The following ZNF423 variants were observed in gnomAD, a reference collection of about 807,000 sequenced individuals.
The protein encoded by ZNF423 is zinc finger protein 423.
ZNF423 carries 12 observed loss-of-function variants against 95.8 expected under a neutral mutation model. The ratio of observed to expected loss-of-function variants is 0.13; its 90% CI spans 0.08 to 0.20. ZNF423 has a LOEUF of 0.20. Among genes scored for constraint, ZNF423 ranks in the 10% least tolerant of loss-of-function variants. ZNF423 has a pLI of 1.00. For missense variants in ZNF423, 1,316 were observed against 1,737.1 expected (o/e 0.76, Z 4.31); for synonymous variants, 749 against 711.9 (o/e 1.05, Z -0.83).
rs867051153 is a variant in ZNF423, at chr16:49,490,879, G to T, written c.*396C>A. 9.0e-5 allele frequency: 10 copies of T among 111,048 alleles called. No homozygotes were observed. Among genetic ancestry groups the T allele is most frequent in the East Asian group, 7.2e-4 (3 of 4,180 alleles). 6.9% of individuals were successfully genotyped at this position (111,048 alleles called of 1,614,324 possible). A position where few individuals can be genotyped will look rare whatever the true frequency, so the allele number is the denominator to read the frequency against. On this transcript the variant is annotated 3_prime_UTR_variant, in exon 8 of 8. Coordinates refer to ENST00000563137, the MANE Select transcript of ZNF423 (RefSeq NM_001379286.1). ...TAGTTAACCGAAGGGGGTGGGGGGT[G>T]GGGGGGAAGAAAAACAAGAAAGAAA...
At chr16:49,744,141 C>T (rs920180842) in intron 2 of ZNF423, among the ~76,000 whole-genome samples, 11 of 152,188 alleles carry the variant, frequency 7.2e-5, no homozygotes, top group Non-Finnish European at 1.2e-4. Context: ...GGCTTTCTGC[C>T]GACTTCCCGT....
intron 7 of ZNF423, among the ~76,000 whole-genome samples, chr16:49,508,481 T>C (rs1293408831): frequency 7.2e-6 from 1 of 139,432 alleles, no homozygotes; most frequent in Non-Finnish European, 1.5e-5. Flanking sequence ...GATCACACCA[T>C]TGCACTGCAG....
intron 5 of ZNF423, among the ~76,000 whole-genome samples, chr16:49,530,242 C>T (rs185522123): frequency 6.6e-6 from 1 of 152,188 alleles, no homozygotes; most frequent in African/African-American, 2.4e-5. Flanking sequence ...GACCCCCAGA[C>T]CATCCCACAC....
intron 3 of ZNF423, among the ~76,000 whole-genome samples, chr16:49,683,816 G>A (rs537792219): frequency 1.8e-4 from 28 of 152,300 alleles, no homozygotes; most frequent in Middle Eastern, 3.4e-3. Context: ...GATGGTGTGC[G>A]CCTGTAATCC....
At chr16:49,753,814 TG>T (rs1157984119) in intron 2 of ZNF423, among the ~76,000 whole-genome samples, 1 of 152,118 alleles carries the variant, frequency 6.6e-6, no homozygotes, top group African/African-American at 2.4e-5. Flanking sequence ...GCGGATCACC[TG>T]AGGTCAGGAG....
intron 5 of ZNF423, among the ~76,000 whole-genome samples, chr16:49,568,103 G>A (rs1430388483): frequency 6.6e-6 from 1 of 152,180 alleles, no homozygotes; most frequent in Non-Finnish European, 1.5e-5. Flanking sequence ...ATGAGCATGT[G>A]ACTAAGGCCT....
chr16:49,514,280 C>T (rs918054355), intron 7 of ZNF423, among the ~76,000 whole-genome samples: 17 of 151,862 alleles, frequency 1.1e-4, no homozygotes, highest in Admixed American at 9.8e-4. Context: ...ACACACACCA[C>T]TCTCCATCAC....
chr16:49,496,501 T>G lies in ZNF423; in HGVS notation c.3850-5197A>C, dbSNP rs529071902. ...ATGTGACGGACTAGCTCCCCTTGCCTTCCATCATCATTGGAAGCTTCCTGA... is the reference window on the plus strand; with the variant it reads ...ATGTGACGGACTAGCTCCCCTTGCCGTCCATCATCATTGGAAGCTTCCTGA... On this transcript the variant is annotated intron_variant, in intron 7 of 7. Coordinates refer to ENST00000563137, the MANE Select transcript of ZNF423 (RefSeq NM_001379286.1). Among the ~76,000 whole-genome samples, 19 of 152,294 alleles carry G rather than the reference T, an allele frequency of 1.2e-4. No individual in the cohort carries two copies. In the South Asian group the frequency reaches 3.9e-3, roughly 32 times the overall value.
At chr16:49,607,889 G>A (rs938798667) in intron 5 of ZNF423, among the ~76,000 whole-genome samples, 13 of 152,292 alleles carry the variant, frequency 8.5e-5, no homozygotes, top group African/African-American at 2.6e-4. Flanking sequence ...GTGTTAGTGC[G>A]AGAGCTGTCC....
intron 1 of ZNF423, among the ~76,000 whole-genome samples, chr16:49,833,063 G>A (rs1329799517): frequency 2.6e-5 from 4 of 152,222 alleles, no homozygotes; most frequent in Non-Finnish European, 5.9e-5. Context: ...AGGAGTGGGC[G>A]CTCAGGTGAG....
At chr16:49,551,292 G>A (rs1235230036) in intron 5 of ZNF423, among the ~76,000 whole-genome samples, 1 of 152,194 alleles carries the variant, frequency 6.6e-6, no homozygotes, top group African/African-American at 2.4e-5. Flanking sequence ...CCGCTTTTCT[G>A]CCAAAAAGTT....
intron 3 of ZNF423, among the ~76,000 whole-genome samples, chr16:49,657,993 A>G (rs912995636): frequency 2.0e-5 from 3 of 152,204 alleles, no homozygotes; most frequent in Admixed American, 6.5e-5. Flanking sequence ...TGTCCTTTCA[A>G]CGACCTCAGG....
chr16:49,644,545 C>T (rs1470177641), intron 3 of ZNF423, among the ~76,000 whole-genome samples: 2 of 150,746 alleles, frequency 1.3e-5, no homozygotes, highest in East Asian at 1.9e-4. Context: ...TATTTGCAAC[C>T]CCAGCCACTT....
At chr16:49,615,600 C>T (rs1320457532) in intron 5 of ZNF423, among the ~76,000 whole-genome samples, 2 of 152,232 alleles carry the variant, frequency 1.3e-5, no homozygotes, top group Middle Eastern at 3.4e-3. Context: ...GGCCTGAAGT[C>T]CCCCAGCTGC....
intron 5 of ZNF423, among the ~76,000 whole-genome samples, chr16:49,578,999 G>T (rs1192382445): frequency 6.6e-6 from 1 of 152,138 alleles, no homozygotes; most frequent in Non-Finnish European, 1.5e-5. Flanking sequence ...AAGCATACCT[G>T]GGAGGTTCAT....
chr16:49,591,561 C>G (rs1460671957), intron 5 of ZNF423, among the ~76,000 whole-genome samples: 7 of 151,978 alleles, frequency 4.6e-5, no homozygotes, highest in Admixed American at 4.6e-4. Context: ...CACTGGAAGC[C>G]AAGCCAAGTG....
intron 5 of ZNF423, among the ~76,000 whole-genome samples, chr16:49,589,336 C>T (rs997031741): frequency 6.6e-6 from 1 of 152,228 alleles, no homozygotes; most frequent in African/African-American, 2.4e-5. Context: ...AGTTTATAAA[C>T]ATGATTTCTT....
intron 3 of ZNF423, among the ~76,000 whole-genome samples, chr16:49,713,431 G>C (rs1441715622): frequency 1.3e-5 from 2 of 152,156 alleles, no homozygotes; most frequent in African/African-American, 4.8e-5. Context: ...CGACTGCAGT[G>C]GGGGAGGAGA....
chr16:49,835,926 A>G (rs550324220), intron 1 of ZNF423, among the ~76,000 whole-genome samples: 5 of 152,188 alleles, frequency 3.3e-5, no homozygotes, highest in Non-Finnish European at 7.3e-5. Flanking sequence ...AAGAAGAGGC[A>G]GGCTTCCAGG....
Sources: allele counts gnomAD v4.1 joint callset (sites outside exome capture counted in the v4.1 genomes callset), GRCh38; gene constraint gnomAD v4.1.1; transcripts MANE v1.5; gene names NCBI Gene and HGNC (gene_info 2026-07-23, HGNC 2026-07-21).